Variants in FKBP7 observed in about 807,000 individuals in gnomAD.
FKBP7 encodes the protein FKBP prolyl isomerase 7, also known as peptidyl-prolyl cis-trans isomerase FKBP7.
In FKBP7, 24 loss-of-function variants were observed where a neutral mutation model predicts 24.3. The ratio of observed to expected loss-of-function variants is 0.99; its 90% CI spans 0.72 to 1.39. The LOEUF (loss-of-function observed/expected upper bound fraction) is 1.39, where lower values mean the gene tolerates loss of function less well. FKBP7 is among the 40% of genes most tolerant of loss of function. The pLI is 0.00. For missense variants in FKBP7, 257 were observed against 269.5 expected (o/e 0.95, Z 0.33); for synonymous variants, 98 against 92.8 (o/e 1.06, Z -0.32).
At chr2:178,469,620 T>C (rs749806204) in intron 3 of FKBP7, 32 bp downstream of exon 3, 11 of 1,610,160 alleles carry the variant, frequency 6.8e-6, no homozygotes, top group Non-Finnish European at 9.3e-6. Flanking sequence ...ATAAAAAAAT[T>C]AGACTATACA....
intron 3 of FKBP7, among the ~76,000 whole-genome samples, chr2:178,468,871 T>TC (rs1398192900): frequency 6.8e-6 from 1 of 146,778 alleles, no homozygotes; most frequent in East Asian, 2.0e-4. Context: ...ATTATTATCT[T>TC]TTTTTTTTTT....
chr2:178,469,311 G>C (rs776184050), intron 3 of FKBP7, among the ~76,000 whole-genome samples: 2 of 152,084 alleles, frequency 1.3e-5, no homozygotes, highest in African/African-American at 2.4e-5. Flanking sequence ...CCTATGAGGC[G>C]TGAATTATTT....
intron 2 of FKBP7, among the ~76,000 whole-genome samples, chr2:178,472,517 C>T (rs1684875547): frequency 6.6e-6 from 1 of 151,820 alleles, no homozygotes; most frequent in Non-Finnish European, 1.5e-5. Flanking sequence ...CTCTGTCACC[C>T]AGGCTAGAGT....
intron 2 of FKBP7, chr2:178,473,029 C>T (rs1425497274): frequency 1.8e-5 from 23 of 1,254,792 alleles, no homozygotes; most frequent in Non-Finnish European, 2.3e-5. Flanking sequence ...ATATACATAC[C>T]GCATGTATTG....
rs779145794 is a variant in FKBP7 at position 178,478,274 on chromosome 2, C to T, written c.221+5G>A. 6.2e-7 allele frequency: 1 copy of T among 1,613,916 alleles called. No homozygotes were observed. Among genetic ancestry groups the T allele is most frequent in the South Asian group, 1.1e-5 (1 of 91,058 alleles). ...GACGCACGGGCAGCTCGCAGCATTT[C>T]CTACCTGCAGTAGAATTTCGAGCCG... On this transcript the variant is annotated splice_donor_5th_base_variant and intron_variant, in intron 1 of 3. Coordinates refer to ENST00000424785, the MANE Select transcript of FKBP7 (RefSeq NM_181342.3).
chr2:178,476,082 T>G (rs1321898490), intron 2 of FKBP7, among the ~76,000 whole-genome samples: 1 of 152,222 alleles, frequency 6.6e-6, no homozygotes, highest in African/African-American at 2.4e-5. Context: ...CAAAGATCTG[T>G]GTTATAAATA....
chr2:178,476,482 C>T (rs1242318170), intron 2 of FKBP7, among the ~76,000 whole-genome samples: 2 of 152,170 alleles, frequency 1.3e-5, no homozygotes, highest in Non-Finnish European at 2.9e-5. Context: ...AAACTCTATA[C>T]CCATTGGTCA....
chr2:178,466,417 TATAATA>T (rs924647399), intron 3 of FKBP7, among the ~76,000 whole-genome samples: 10 of 152,144 alleles, frequency 6.6e-5, no homozygotes, highest in African/African-American at 2.4e-4. Context: ...TCTACATAAC[TATAATA>T]ATCTCTTTAA....
chr2:178,472,917 T>A (rs11678632), intron 2 of FKBP7: 56,525 of 238,726 alleles, frequency 0.24, 7,791 homozygotes, highest in East Asian at 0.54. Context: ...TTTTTTTTTT[T>A]AAAAAAAACT....
rs1211927194 is a variant in FKBP7, at chr2:178,464,209, G to A, written c.*1561C>T. ...TAAAGAAGTTAAAGGATGAACAATG[G>A]TTTGGAAAGAGCAAGTTTCAGAAGG... On this transcript the variant is annotated 3_prime_UTR_variant, in exon 4 of 4. Transcript: ENST00000424785. 2.0e-5 allele frequency: 3 copies of A among 152,192 alleles called. No homozygotes were observed. Among genetic ancestry groups the A allele is most frequent in the Non-Finnish European group, 4.4e-5 (3 of 68,042 alleles). 9.4% of individuals were successfully genotyped at this position (152,192 alleles called of 1,614,324 possible).
At chr2:178,468,869 CTTTT>C (rs770408622) in intron 3 of FKBP7, among the ~76,000 whole-genome samples, 1 of 143,562 alleles carries the variant, frequency 7.0e-6, no homozygotes. Flanking sequence ...CTATTATTAT[CTTTT>C]TTTTTTTTTT....
chr2:178,477,275 TG>T lies in FKBP7; in HGVS notation c.222-63del, dbSNP rs1267503869. The T allele has an allele frequency of 2.2e-5, 34 of 1,552,048 alleles. No homozygotes were observed. The African/African-American group carries it at 4.3e-4, about 20-fold the overall frequency. ...AAGAAATCAAACTTGAAAATACAGC[TG>T]GGCATTTAAAATTGGAGTCCTCTCT... is the stretch of plus-strand genomic sequence containing the variant. On this transcript the variant is annotated intron_variant, in intron 1 of 3. Coordinates refer to ENST00000424785, the MANE Select transcript of FKBP7 (RefSeq NM_181342.3).
Position 178,465,741 on chromosome 2 carries a change from T to C in FKBP7, c.*29A>G. The C allele has an allele frequency of 2.4e-6, 3 of 1,255,368 alleles. No individual in the cohort carries two copies. 77.8% of individuals were successfully genotyped at this position (1,255,368 alleles called of 1,614,324 possible). A position where few individuals can be genotyped will look rare whatever the true frequency, so the allele number is the denominator to read the frequency against. ...TTATACATAAAGTACAGTAAATAGC[T>C]AAAAAAAAAAAGTAGAAATACAAAT... is the stretch of plus-strand genomic sequence containing the variant. On this transcript the variant is annotated 3_prime_UTR_variant, in exon 4 of 4. Coordinates refer to ENST00000424785, the MANE Select transcript of FKBP7 (RefSeq NM_181342.3).
chr2:178,463,672 A>G lies in FKBP7; in HGVS notation c.*2098T>C, dbSNP rs1308479283. 1 of 152,214 alleles carries G rather than the reference A, an allele frequency of 6.6e-6. No homozygotes were observed. Among genetic ancestry groups the G allele is most frequent in the Non-Finnish European group, 1.5e-5 (1 of 68,038 alleles). 9.4% of individuals were successfully genotyped at this position (152,214 alleles called of 1,614,324 possible). A position where few individuals can be genotyped will look rare whatever the true frequency, so the allele number is the denominator to read the frequency against. On this transcript the variant is annotated 3_prime_UTR_variant, in exon 4 of 4. Transcript: ENST00000424785. ...AATACTTGTACACTGTATTGTATGT[A>G]GAATGATTATAAATTTATTTTTAAT...
At position 178,464,034 on chromosome 2, in the gene FKBP7, G is replaced by T. The variant is rs1171708069; in HGVS notation, c.*1736C>A. The T allele has an allele frequency of 6.6e-6, 1 of 152,216 alleles. No individual in the cohort carries two copies. The highest frequency in any genetic ancestry group is 1.9e-4 in the East Asian group (1 of 5,194). The allele number at this position is 152,216 out of a possible 1,614,324, so 9.4% of individuals were successfully genotyped here. On this transcript the variant is annotated 3_prime_UTR_variant, in exon 4 of 4. Coordinates refer to ENST00000424785, the MANE Select transcript of FKBP7 (RefSeq NM_181342.3). ...TTGGGAGGAAGGAAAAGATAGTACA[G>T]ATTCTTGTTTTATAAGGTGTCAAAT...
chr2:178,465,919 A>G lies in FKBP7; in HGVS notation c.520T>C (p.Leu174=). The change falls in exon 4 of 4, where the codon TTG becomes CTG. Residue 174 remains leucine, a synonymous_variant. Coordinates refer to ENST00000424785, the MANE Select transcript of FKBP7 (RefSeq NM_181342.3). ...QLSKAEINLY[L]QREFEKDEKP... ...TCATCTTTTTCAAATTCCCTTTGCA[A>G]GTAGAGGTTTATCTGGAAGGCCAAA... The G allele has an allele frequency of 1.2e-6, 2 of 1,600,934 alleles. No individual in the cohort carries two copies. Among genetic ancestry groups the G allele is most frequent in the Non-Finnish European group, 1.7e-6 (2 of 1,175,874 alleles).
intron 2 of FKBP7, among the ~76,000 whole-genome samples, chr2:178,475,947 A>G (rs1684987040): frequency 6.6e-6 from 1 of 152,232 alleles, no homozygotes; most frequent in Non-Finnish European, 1.5e-5. Flanking sequence ...GTATTGGGGT[A>G]ATAATGACTG....
At chr2:178,472,851 CAA>C (rs71674220) in intron 2 of FKBP7, among the ~76,000 whole-genome samples, 1 of 62,508 alleles carries the variant, frequency 1.6e-5, no homozygotes, top group African/African-American at 7.3e-5. Context: ...GACTCCATCT[CAA>C]AAAAAAAAAA....
At chr2:178,472,557 C>T (rs1369333772) in intron 2 of FKBP7, among the ~76,000 whole-genome samples, 2 of 151,900 alleles carry the variant, frequency 1.3e-5, no homozygotes, top group Non-Finnish European at 2.9e-5. Flanking sequence ...TCACTGTAAC[C>T]TCTGCCTCCC....
Sources: allele counts gnomAD v4.1 joint callset (sites outside exome capture counted in the v4.1 genomes callset), GRCh38; gene constraint gnomAD v4.1.1; transcripts MANE v1.5; gene names NCBI Gene and HGNC (gene_info 2026-07-23, HGNC 2026-07-21).